Variants in EXOC2 observed in about 807,000 individuals in gnomAD.
EXOC2 encodes the protein exocyst complex component 2, also known as SEC5-like 1.
A neutral mutation model predicts 131.8 loss-of-function variants in EXOC2; 70 were observed. The observed-to-expected ratio is 0.53, with a 90% CI of 0.44 to 0.65. The LOEUF (loss-of-function observed/expected upper bound fraction) is 0.65, where lower values mean the gene tolerates loss of function less well. Among genes scored for constraint, EXOC2 ranks in the 30% least tolerant of loss-of-function variants. EXOC2 has a pLI of 0.00. For missense variants in EXOC2, 923 were observed against 1,108.6 expected (o/e 0.83, Z 2.38); for synonymous variants, 411 against 398.4 (o/e 1.03, Z -0.38).
At chr6:552,429 T>C (rs1159966872) in intron 21 of EXOC2, among the ~76,000 whole-genome samples, 1 of 152,248 alleles carries the variant, frequency 6.6e-6, no homozygotes, top group Admixed American at 6.5e-5. Flanking sequence ...CCACCTGCAA[T>C]TCTGGGTGAA....
chr6:621,964 A>T (rs1478476503), intron 4 of EXOC2, among the ~76,000 whole-genome samples: 1 of 152,188 alleles, frequency 6.6e-6, no homozygotes, highest in Non-Finnish European at 1.5e-5. Flanking sequence ...GTGGAGGCTT[A>T]GGCTAAGCTG....
rs184448662 is a variant in EXOC2, at chr6:553,252, G to C, written c.2121+602C>G. Among the ~76,000 whole-genome samples, 21 of 152,198 alleles carry C rather than the reference G, an allele frequency of 1.4e-4. 1 individual carries two copies. Among genetic ancestry groups the C allele is most frequent in the African/African-American group, 4.6e-4 (19 of 41,512 alleles). ...ATTTTATTTATGATAGCTAGAGTTT[G>C]AGTTTCAACAGATGAATTTATACAC... On this transcript the variant is annotated intron_variant, in intron 21 of 27. Transcript: ENST00000230449.
At chr6:691,407 T>G (rs1047443265) in intron 1 of EXOC2, among the ~76,000 whole-genome samples, 6 of 152,200 alleles carry the variant, frequency 3.9e-5, no homozygotes, top group Non-Finnish European at 7.3e-5. Flanking sequence ...CTGCCATTCC[T>G]GAGAAAATCC....
intron 23 of EXOC2, among the ~76,000 whole-genome samples, 184 bp from the exon 24 acceptor site, chr6:499,884 AAAAG>A (rs1763944904): frequency 6.6e-6 from 1 of 152,228 alleles, no homozygotes; most frequent in Admixed American, 6.5e-5. Flanking sequence ...AAAAGAAAAA[AAAAG>A]AAATGAGAAG....
chr6:556,307 T>A (rs1196977162), intron 18 of EXOC2, among the ~76,000 whole-genome samples, 177 bp downstream of exon 18: 1 of 152,184 alleles, frequency 6.6e-6, no homozygotes, highest in Non-Finnish European at 1.5e-5. Flanking sequence ...ACTCACACTT[T>A]AACTTGCATC....
intron 1 of EXOC2, among the ~76,000 whole-genome samples, chr6:682,354 C>G (rs1194547495): frequency 7.9e-5 from 12 of 151,990 alleles, no homozygotes; most frequent in Admixed American, 7.2e-4. Context: ...CAACCACTAC[C>G]ACGCCCGGCT....
At chr6:623,644 C>T (rs1022227464) in intron 4 of EXOC2, among the ~76,000 whole-genome samples, 2 of 152,212 alleles carry the variant, frequency 1.3e-5, no homozygotes, top group African/African-American at 4.8e-5. Flanking sequence ...ACCCTGGACC[C>T]TCTCTGCTGA....
At chr6:624,716 G>A (rs776328576) in intron 4 of EXOC2, among the ~76,000 whole-genome samples, 3 of 152,194 alleles carry the variant, frequency 2.0e-5, no homozygotes, top group Non-Finnish European at 2.9e-5. Flanking sequence ...AGGAGAGTGC[G>A]AAAGGGGAGC....
intron 23 of EXOC2, among the ~76,000 whole-genome samples, chr6:523,816 T>G (rs952478964): frequency 3.3e-5 from 5 of 152,208 alleles, no homozygotes; most frequent in Admixed American, 1.3e-4. Context: ...CTAACTCATA[T>G]GATTAAAATG....
chr6:499,805 CAG>C (rs1206336765), intron 23 of EXOC2, 105 bp from the exon 24 acceptor site: 2 of 793,164 alleles, frequency 2.5e-6, no homozygotes, highest in Non-Finnish European at 2.2e-6. Context: ...TGAGGAGAAA[CAG>C]AAAGTAACAC....
At position 653,375 on chromosome 6, in the gene EXOC2, G is replaced by A. The variant is rs142687894; in HGVS notation, c.-43-15514C>T. 3.1e-3 allele frequency among the ~76,000 whole-genome samples: 479 copies of A among 152,342 alleles called. 2 individuals carry two copies. Among genetic ancestry groups the A allele is most frequent in the Non-Finnish European group, 4.8e-3 (325 of 68,040 alleles). On this transcript the variant is annotated intron_variant, in intron 1 of 27. Coordinates refer to ENST00000230449, the MANE Select transcript of EXOC2 (RefSeq NM_018303.6). ...CTGTGAATGCAAAGGAAAAATTATTGATGGAAATTAAAATTGCTACTCTAG... is the reference window on the plus strand; with the variant it reads ...CTGTGAATGCAAAGGAAAAATTATTAATGGAAATTAAAATTGCTACTCTAG...
chr6:576,819 C>T lies in EXOC2; in HGVS notation c.1256G>A (p.Gly419Asp), dbSNP rs755602807. Residue 419 changes from glycine to aspartate, a missense_variant, in exon 12 of 28, where the codon GGC becomes GAC. Transcript: ENST00000230449. ...CAGGGACGCTGTCTGACTGAGATGG[C>T]CCAACACTGAGGGACGTGTATCATT... ...LDNDTRPSVL[G>D]HLSQTASLKR... is the part of the protein sequence containing the mutation. The T allele has an allele frequency of 5.6e-6, 9 of 1,613,928 alleles. No individual in the cohort carries two copies. In the Admixed American group the frequency reaches 1.3e-4, roughly 24 times the overall value.
At chr6:664,434 G>A (rs561442422) in intron 1 of EXOC2, among the ~76,000 whole-genome samples, 1 of 152,150 alleles carries the variant, frequency 6.6e-6, no homozygotes, top group East Asian at 1.9e-4. Flanking sequence ...ATTAGAAAAA[G>A]CAATTCTAAA....
At chr6:580,265 C>T (rs1473969278) in intron 11 of EXOC2, among the ~76,000 whole-genome samples, 3 of 152,292 alleles carry the variant, frequency 2.0e-5, no homozygotes, top group Admixed American at 2.0e-4. Flanking sequence ...TGGTCTTGAA[C>T]TCCTGACCTT....
In EXOC2 at chr6:598,092, A is replaced by G. The variant is rs201101294; in HGVS notation, c.1002T>C (p.Ala334=). The G allele has an allele frequency of 9.3e-6, 15 of 1,613,472 alleles. No homozygotes were observed. The African/African-American group carries it at 1.7e-4, about 19-fold the overall frequency. ...YYAEVETRIE[A]LRELLLDKLL... is the part of the protein sequence containing the mutation. Reference sequence around the variant, plus strand: ...ATTTATCCAGAAGTAATTCTCTTAAAGCTTCAATCCTTGTTTCTACTTCAG... The same window carrying G: ...ATTTATCCAGAAGTAATTCTCTTAAGGCTTCAATCCTTGTTTCTACTTCAG... The change falls in exon 10 of 28, where the codon GCT becomes GCC. Residue 334 remains alanine (A), a synonymous_variant. Coordinates refer to ENST00000230449, the MANE Select transcript of EXOC2 (RefSeq NM_018303.6).
intron 11 of EXOC2, 61 bp from the exon 12 acceptor site, chr6:576,943 T>G: frequency 6.7e-7 from 1 of 1,497,430 alleles, no homozygotes; most frequent in South Asian, 1.3e-5. Context: ...CTTGCTTAGT[T>G]GATTTAATGG....
intron 23 of EXOC2, among the ~76,000 whole-genome samples, chr6:508,719 T>A (rs1581332691): frequency 6.6e-6 from 1 of 152,380 alleles, no homozygotes; most frequent in Middle Eastern, 3.4e-3. Flanking sequence ...CAATTATGAA[T>A]AAGATTGCTA....
At chr6:640,788 G>A (rs1762317891) in intron 1 of EXOC2, among the ~76,000 whole-genome samples, 1 of 152,066 alleles carries the variant, frequency 6.6e-6, no homozygotes, top group Admixed American at 6.6e-5. Context: ...CAGACTTCTA[G>A]CTTCCAAAAG....
intron 1 of EXOC2, among the ~76,000 whole-genome samples, chr6:648,782 C>A (rs185870591): frequency 7.2e-6 from 1 of 139,390 alleles, no homozygotes; most frequent in Non-Finnish European, 1.5e-5. Flanking sequence ...AGAGCAGTAG[C>A]GTGACCACGG....
Sources: allele counts gnomAD v4.1 joint callset (sites outside exome capture counted in the v4.1 genomes callset), GRCh38; gene constraint gnomAD v4.1.1; transcripts MANE v1.5; gene names NCBI Gene and HGNC (gene_info 2026-07-23, HGNC 2026-07-21).